The following BET1 variants were observed in gnomAD, a reference collection of about 807,000 sequenced individuals.
The protein encoded by BET1 is BET1 homolog.
A neutral mutation model predicts 13.9 loss-of-function variants in BET1; 9 were observed. That is an observed-to-expected ratio of 0.65 (90% CI 0.39 to 1.13). The LOEUF (loss-of-function observed/expected upper bound fraction) is 1.13, where lower values mean the gene tolerates loss of function less well. Ranked by LOEUF, BET1 falls within the 50% of genes most tolerant of loss-of-function variation. The pLI is 0.01. For synonymous variants in BET1, 39 were observed against 47.3 expected (o/e 0.82, Z 0.72); for missense variants, 127 against 133.6 (o/e 0.95, Z 0.24).
chr7:93,977,879 G>T (rs930832916), intron 4 of BET1, among the ~76,000 whole-genome samples: 2 of 152,002 alleles, frequency 1.3e-5, no homozygotes, highest in Non-Finnish European at 2.9e-5. Context: ...GTCTTTCTTT[G>T]TGACGGTTTC....
At chr7:93,990,342 TTTA>T (rs1380211764), downstream of BET1, among the ~76,000 whole-genome samples, 2 of 152,050 alleles carry the variant, frequency 1.3e-5, no homozygotes, top group African/African-American at 4.8e-5. Context: ...GGTCGAACTA[TTTA>T]TTAATTAATG....
At chr7:93,964,101 A>G (rs1795138005) in exon 7 of BET1, 1 of 151,882 alleles carries the variant, frequency 6.6e-6, no homozygotes, top group South Asian at 2.1e-4. Flanking sequence ...ATAAATAAAT[A>G]AATAATACAA....
intron 4 of BET1, among the ~76,000 whole-genome samples, chr7:93,981,146 T>C (rs930162238): frequency 5.9e-5 from 9 of 152,176 alleles, no homozygotes; most frequent in African/African-American, 1.9e-4. Context: ...GTTGGGGGTG[T>C]TTCTACACAA....
At chr7:93,994,814 A>T (rs1795726072) in intron 3 of BET1, among the ~76,000 whole-genome samples, 1 of 152,204 alleles carries the variant, frequency 6.6e-6, no homozygotes, top group Non-Finnish European at 1.5e-5. Context: ...TCCAAAATGT[A>T]ATACGGTTAG....
At chr7:93,969,759 T>C (rs902558937) in intron 6 of BET1, 1 of 151,822 alleles carries the variant, frequency 6.6e-6, no homozygotes, top group Admixed American at 6.6e-5. Context: ...CTATTTGAAT[T>C]ATTCATATGT....
At chr7:94,002,934 A>G (rs1231957852) in intron 1 of BET1, among the ~76,000 whole-genome samples, 1 of 152,212 alleles carries the variant, frequency 6.6e-6, no homozygotes, top group Non-Finnish European at 1.5e-5. Flanking sequence ...AATCTCTGAG[A>G]CCATCCCTTA....
At chr7:94,002,470 A>G (rs1437509251) in intron 1 of BET1, among the ~76,000 whole-genome samples, 1 of 145,100 alleles carries the variant, frequency 6.9e-6, no homozygotes, top group Non-Finnish European at 1.5e-5. Context: ...AAAAAAAAAA[A>G]AAAAGAAAGA....
chr7:93,969,618 C>T (rs1434970235), intron 6 of BET1: 1 of 151,374 alleles, frequency 6.6e-6, no homozygotes, highest in African/African-American at 2.4e-5. Flanking sequence ...GCAGAAGAAA[C>T]CCAAATTATA....
intron 6 of BET1, among the ~76,000 whole-genome samples, chr7:93,971,960 T>C (rs1022642876): frequency 1.3e-5 from 2 of 151,338 alleles, no homozygotes; most frequent in Non-Finnish European, 3.0e-5. Flanking sequence ...CCATTGGATA[T>C]GAAAAAAGAA....
chr7:93,993,814 T>C lies in BET1; in HGVS notation c.*416A>G. On this transcript the variant is annotated 3_prime_UTR_variant, in exon 4 of 4. Transcript: ENST00000222547. ...GCAGTTAGGAAAATTCAATTACCAT[T>C]TTACCACAAACTGGCTGACTACTTC... 8 of 1,528,140 alleles carry C rather than the reference T, an allele frequency of 5.2e-6. No homozygotes were observed. The highest frequency in any genetic ancestry group is 7.0e-6 in the Non-Finnish European group (8 of 1,144,256). 94.7% of individuals were successfully genotyped at this position (1,528,140 alleles called of 1,614,324 possible).
chr7:93,988,091 G>C (rs927440432), intron 4 of BET1, among the ~76,000 whole-genome samples: 1 of 152,160 alleles, frequency 6.6e-6, no homozygotes, highest in Non-Finnish European at 1.5e-5. Flanking sequence ...ATTTTAGTGA[G>C]AGGTGATTAA....
chr7:93,992,637 C>A (rs1795660570), downstream of BET1: 4 of 985,224 alleles, frequency 4.1e-6, no homozygotes, highest in Non-Finnish European at 4.8e-6. Flanking sequence ...CACCTTGAAG[C>A]CTGAAAACAA....
Position 93,993,573 on chromosome 7 carries a change from A to T in BET1, c.*657T>A. ...CAAGTCAAGAGAATTCATAAAGTTA[A>T]TATGAAATAATAACTATACTGATAC... On this transcript the variant is annotated 3_prime_UTR_variant, in exon 4 of 4. Transcript: ENST00000222547. 9.4e-7 allele frequency: 1 copy of T among 1,064,634 alleles called. No homozygotes were observed. Among genetic ancestry groups the T allele is most frequent in the Non-Finnish European group, 1.1e-6 (1 of 878,580 alleles). The allele number at this position is 1,064,634 out of a possible 1,614,324, so 65.9% of individuals were successfully genotyped here.
chr7:93,985,408 G>A (rs1290939940), intron 4 of BET1, among the ~76,000 whole-genome samples: 1 of 152,084 alleles, frequency 6.6e-6, no homozygotes, highest in Non-Finnish European at 1.5e-5. Context: ...TATTATGCAG[G>A]TTAAATGAGC....
intron 6 of BET1, among the ~76,000 whole-genome samples, chr7:93,970,425 G>A (rs902460156): frequency 2.0e-5 from 3 of 151,640 alleles, no homozygotes; most frequent in African/African-American, 4.8e-5. Context: ...ATTAGCTCTC[G>A]AGAAGAAAAC....
At chr7:93,977,629 T>C (rs930836559) in intron 4 of BET1, among the ~76,000 whole-genome samples, 3 of 152,126 alleles carry the variant, frequency 2.0e-5, no homozygotes, top group Non-Finnish European at 4.4e-5. Flanking sequence ...TCTCTCTCTC[T>C]AGCTCTTATT....
At chr7:93,996,170 T>G in intron 3 of BET1, 95 bp downstream of exon 3, 1 of 937,758 alleles carries the variant, frequency 1.1e-6, no homozygotes, top group Non-Finnish European at 1.7e-6. Flanking sequence ...ATCAAGGACT[T>G]ACGATCTCTG....
intron 4 of BET1, among the ~76,000 whole-genome samples, chr7:93,977,884 G>A (rs567182962): frequency 3.9e-5 from 6 of 152,056 alleles, no homozygotes; most frequent in South Asian, 2.1e-4. Flanking sequence ...TCTTTGTGAC[G>A]GTTTCATTGA....
intron 4 of BET1, chr7:93,976,160 C>A: frequency 9.2e-7 from 1 of 1,083,200 alleles, no homozygotes; most frequent in Non-Finnish European, 1.2e-6. Flanking sequence ...AACAAAACAA[C>A]ATTTAAAGTA....
Sources: gnomAD v4.1 joint callset for allele counts (sites outside exome capture counted in the v4.1 genomes callset) on GRCh38, gnomAD v4.1.1 for gene constraint, MANE v1.5 for transcripts, NCBI Gene and HGNC (gene_info 2026-07-23, HGNC 2026-07-21) for gene names.